Variants in C2orf15 observed in about 807,000 individuals in gnomAD.
C2orf15 encodes the protein uncharacterized protein C2orf15.
C2orf15 carries 3 observed loss-of-function variants against 4.4 expected under a neutral mutation model. The observed-to-expected ratio is 0.67, with a 90% CI of 0.31 to 1.74. C2orf15 has a LOEUF of 1.74. Among genes scored for constraint, C2orf15 ranks in the 40% most tolerant of loss-of-function variants. The pLI is 0.09. For synonymous variants in C2orf15, 37 were observed against 36.8 expected (o/e 1.00, Z -0.02); for missense variants, 90 against 103.3 (o/e 0.87, Z 0.56).
In C2orf15 at chr2:99,150,489, A is replaced by G; in HGVS notation, c.-70A>G. ...CTTTTTTTTTTTTTTTCAGTAATCA[A>G]GTTGAAGAAACACTTCCACTACTTA... is the stretch of plus-strand genomic sequence containing the variant. On this transcript the variant is annotated 5_prime_UTR_variant, in exon 4 of 4. Coordinates refer to ENST00000650052, the MANE Select transcript of C2orf15 (RefSeq NM_144706.4). The G allele has an allele frequency of 2.0e-6, 3 of 1,527,068 alleles. No individual in the cohort carries two copies. The highest frequency in any genetic ancestry group is 2.6e-6 in the Non-Finnish European group (3 of 1,135,366). The allele number at this position is 1,527,068 out of a possible 1,614,324, so 94.6% of individuals were successfully genotyped here. A position where few individuals can be genotyped will look rare whatever the true frequency, so the allele number is the denominator to read the frequency against.
At chr2:99,143,287 G>A (rs1469493260) in intron 2 of C2orf15, among the ~76,000 whole-genome samples, 2 of 150,692 alleles carry the variant, frequency 1.3e-5, no homozygotes, top group Admixed American at 6.6e-5. Context: ...GACTACAGGC[G>A]CCCACTACTA....
At chr2:99,149,785 CTTTTTTTTT>C (rs70940143) in intron 3 of C2orf15, among the ~76,000 whole-genome samples, 1 of 112,400 alleles carries the variant, frequency 8.9e-6, no homozygotes, top group Non-Finnish European at 1.7e-5. Context: ...TCACAAGTAT[CTTTTTTTTT>C]TTTTTTTTTT....
chr2:99,150,932 G>A lies in C2orf15; in HGVS notation c.*98G>A, dbSNP rs2093687863. ...CCTTATTAGGAAACCCTGACAAAAT[G>A]ATGGAAGACTATTGCCTTATTTTGC... On this transcript the variant is annotated 3_prime_UTR_variant, in exon 4 of 4. Transcript: ENST00000650052. 2.7e-6 allele frequency: 2 copies of A among 732,416 alleles called. No individual in the cohort carries two copies. Among genetic ancestry groups the A allele is most frequent in the South Asian group, 1.9e-5 (1 of 51,688 alleles). 45.4% of individuals were successfully genotyped at this position (732,416 alleles called of 1,614,324 possible). A position where few individuals can be genotyped will look rare whatever the true frequency, so the allele number is the denominator to read the frequency against.
chr2:99,145,121 C>T (rs1421591312), intron 2 of C2orf15, among the ~76,000 whole-genome samples: 1 of 152,170 alleles, frequency 6.6e-6, no homozygotes, highest in African/African-American at 2.4e-5. Context: ...GGAAAATCCC[C>T]TTTCTTGCCT....
At chr2:99,144,146 G>T (rs1297742396) in intron 2 of C2orf15, among the ~76,000 whole-genome samples, 1 of 151,938 alleles carries the variant, frequency 6.6e-6, no homozygotes, top group Non-Finnish European at 1.5e-5. Flanking sequence ...TCAGCCTCCC[G>T]AGCAGCTGGG....
chr2:99,145,154 A>G (rs1574759002), intron 2 of C2orf15, among the ~76,000 whole-genome samples: 1 of 152,150 alleles, frequency 6.6e-6, no homozygotes, highest in South Asian at 2.1e-4. Context: ...CTGGCAGCCC[A>G]TGTTCCTTGG....
rs770928657 is a variant in C2orf15, at chr2:99,150,597, T to C, written c.39T>C (p.Ser13=). 14 of 1,613,812 alleles carry C rather than the reference T, an allele frequency of 8.7e-6. No individual in the cohort carries two copies. The highest frequency in any genetic ancestry group is 1.3e-5 in the African/African-American group (1 of 74,906). ...TTAGTAAATCTGCTACTCAGGTATC[T>C]GCTATACATATGGATTCAAAAGTGG... ...FSLSKSATQV[S]AIHMDSKVDD... Residue 13 remains serine (S), a synonymous_variant, in exon 4 of 4, where the codon TCT becomes TCC. Transcript: ENST00000650052.
chr2:99,150,797 A>G lies in C2orf15; in HGVS notation c.239A>G (p.Lys80Arg). The G allele has an allele frequency of 6.2e-7, 1 of 1,601,558 alleles. No homozygotes were observed. The highest frequency in any genetic ancestry group is 8.5e-7 in the Non-Finnish European group (1 of 1,176,498). The change falls in exon 4 of 4, where the codon AAA becomes AGA. Residue 80 changes from lysine to arginine, a missense_variant. Coordinates refer to ENST00000650052, the MANE Select transcript of C2orf15 (RefSeq NM_144706.4). ...GKALGSVVYV[K>R]ESDGLEMTDV... Reference sequence around the variant, plus strand: ...GCCTTGGGTTCAGTGGTATATGTCAAAGAAAGTGATGGACTAGAAATGACA... The same window carrying G: ...GCCTTGGGTTCAGTGGTATATGTCAGAGAAAGTGATGGACTAGAAATGACA...
At position 99,151,066 on chromosome 2, in the gene C2orf15, T is replaced by A. The variant is rs190897202; in HGVS notation, c.*232T>A. 0.012 allele frequency: 4,635 copies of A among 388,966 alleles called. 44 individuals carry two copies. Among genetic ancestry groups the A allele is most frequent in the Middle Eastern group, 0.018 (26 of 1,416 alleles). 24.1% of individuals were successfully genotyped at this position (388,966 alleles called of 1,614,324 possible). ...GATTCAAAGCAGATTTCTCTGGTAT[T>A]ATATTATATCCTTCTTAAAAACCAG... On this transcript the variant is annotated 3_prime_UTR_variant, in exon 4 of 4. Coordinates refer to ENST00000650052, the MANE Select transcript of C2orf15 (RefSeq NM_144706.4).
At chr2:99,144,819 G>A (rs2093615856) in intron 2 of C2orf15, among the ~76,000 whole-genome samples, 1 of 152,100 alleles carries the variant, frequency 6.6e-6, no homozygotes, top group African/African-American at 2.4e-5. Flanking sequence ...TTCAGGCTGG[G>A]GGAACTGTAA....
chr2:99,149,788 T>TC (rs2093673112), intron 3 of C2orf15, among the ~76,000 whole-genome samples: 1 of 130,432 alleles, frequency 7.7e-6, no homozygotes, highest in Admixed American at 7.8e-5. Flanking sequence ...CAAGTATCTT[T>TC]TTTTTTTTTT....
intron 3 of C2orf15, among the ~76,000 whole-genome samples, chr2:99,149,892 A>C (rs893002719): frequency 6.7e-6 from 1 of 149,998 alleles, no homozygotes; most frequent in African/African-American, 2.5e-5. Flanking sequence ...TTCCAGGTTC[A>C]AGCTATTCTC....
In C2orf15 at chr2:99,151,333, G is replaced by T; in HGVS notation, c.*499G>T. The T allele has an allele frequency of 6.6e-6, 1 of 152,348 alleles. No individual in the cohort carries two copies. Among genetic ancestry groups the T allele is most frequent in the Non-Finnish European group, 1.5e-5 (1 of 68,416 alleles). 9.4% of individuals were successfully genotyped at this position (152,348 alleles called of 1,614,324 possible). On this transcript the variant is annotated 3_prime_UTR_variant, in exon 4 of 4. Transcript: ENST00000650052. ...AAAAAGTTAGCCAGGCATGGTGGTG[G>T]GCACCTGTGATCCCAGCTACCTGGG...
chr2:99,147,333 C>G, intron 2 of C2orf15, 69 bp from the exon 3 acceptor site: 1 of 863,232 alleles, frequency 1.2e-6, no homozygotes, highest in East Asian at 2.5e-5. Context: ...GTAAAGAAAG[C>G]CACTTTGTTC....
intron 2 of C2orf15, chr2:99,147,068 C>A: frequency 5.9e-6 from 1 of 169,118 alleles, no homozygotes; most frequent in Non-Finnish European, 1.3e-5. Flanking sequence ...ATACCTAAGT[C>A]CAAGTTACAG....
chr2:99,147,653 C>T (rs184047453), intron 3 of C2orf15, among the ~76,000 whole-genome samples, 160 bp downstream of exon 3: 1 of 151,960 alleles, frequency 6.6e-6, no homozygotes, highest in Non-Finnish European at 1.5e-5. Context: ...TTTTTTAAAA[C>T]GTTTTTTCAA....
chr2:99,148,850 G>A (rs1418883324), intron 3 of C2orf15, among the ~76,000 whole-genome samples: 1 of 152,034 alleles, frequency 6.6e-6, no homozygotes, highest in African/African-American at 2.4e-5. Context: ...ATGATTAAAA[G>A]TTCTGGAGAT....
intron 2 of C2orf15, among the ~76,000 whole-genome samples, chr2:99,142,963 A>G (rs1007511296): frequency 1.3e-5 from 2 of 152,010 alleles, no homozygotes; most frequent in Non-Finnish European, 2.9e-5. Context: ...GATTATTTGG[A>G]AAGAATATAA....
At chr2:99,145,102 G>A (rs1203071322) in intron 2 of C2orf15, among the ~76,000 whole-genome samples, 1 of 152,180 alleles carries the variant, frequency 6.6e-6, no homozygotes, top group Non-Finnish European at 1.5e-5. Flanking sequence ...TCCTTCTGGA[G>A]GCTCTAGGGG....
Sources: allele counts gnomAD v4.1 joint callset (sites outside exome capture counted in the v4.1 genomes callset), GRCh38; gene constraint gnomAD v4.1.1; transcripts MANE v1.5; gene names NCBI Gene and HGNC (gene_info 2026-07-23, HGNC 2026-07-21).